The following RBBP8 variants were observed in gnomAD, a reference collection of about 807,000 sequenced individuals.
RBBP8 encodes DNA endonuclease RBBP8.
In RBBP8, 88 loss-of-function variants were observed where a neutral mutation model predicts 108.3. The observed-to-expected ratio is 0.81, with a 90% CI of 0.68 to 0.97. RBBP8 has a LOEUF of 0.97. Among genes scored for constraint, RBBP8 ranks in the 50% least tolerant of loss-of-function variants. RBBP8 has a pLI of 0.00. For synonymous variants in RBBP8, 332 were observed against 348.2 expected (o/e 0.95, Z 0.52); for missense variants, 1,023 against 1,049.0 (o/e 0.98, Z 0.34).
chr18:22,932,780 T>G (rs1054056398), upstream of RBBP8, among the ~76,000 whole-genome samples: 4 of 152,224 alleles, frequency 2.6e-5, no homozygotes, highest in Admixed American at 1.3e-4. Flanking sequence ...AAAAATTATC[T>G]AACAGCATGT....
rs772415356 is a variant in RBBP8 at position 22,997,640 on chromosome 18, A to G, written c.2049A>G (p.Leu683=). Residue 683 remains leucine (L), a synonymous_variant, in exon 14 of 19, where the codon TTA becomes TTG. Transcript: ENST00000327155. ...IDTKDGSQSK[L]GGETVDMDCT... ...TTTAGGATGGCAGTCAGTCAAAATT[A>G]GGAGGAGAGACAGTGGACATGGACT... 3.7e-6 allele frequency: 6 copies of G among 1,605,786 alleles called. No homozygotes were observed. Among genetic ancestry groups the G allele is most frequent in the African/African-American group, 1.3e-5 (1 of 74,724 alleles).
intron 3 of RBBP8, among the ~76,000 whole-genome samples, chr18:22,927,064 A>G (rs1414732236): frequency 6.6e-6 from 1 of 152,204 alleles, no homozygotes; most frequent in Admixed American, 6.5e-5. Context: ...AAATTGAATC[A>G]AGTGTTCATT....
At chr18:22,926,150 C>T (rs1909784820) in intron 3 of RBBP8, among the ~76,000 whole-genome samples, 1 of 152,170 alleles carries the variant, frequency 6.6e-6, no homozygotes, top group South Asian at 2.1e-4. Flanking sequence ...TTGCTGGCTG[C>T]GGTGGCTCAC....
chr18:22,949,964 A>T, intron 4 of RBBP8: 1 of 394,056 alleles, frequency 2.5e-6, no homozygotes, highest in Non-Finnish European at 4.6e-6. Context: ...CAAGGGTAGC[A>T]ATGTTCTAAT....
At chr18:22,996,826 G>T (rs1287160347) in intron 13 of RBBP8, among the ~76,000 whole-genome samples, 1 of 152,100 alleles carries the variant, frequency 6.6e-6, no homozygotes, top group African/African-American at 2.4e-5. Context: ...GCAAGGCCCT[G>T]TCTCTATAGG....
intron 17 of RBBP8, among the ~76,000 whole-genome samples, chr18:23,021,867 T>C (rs1218432348): frequency 2.0e-5 from 3 of 152,048 alleles, no homozygotes; most frequent in Non-Finnish European, 2.9e-5. Context: ...GGAAGCACTT[T>C]ATTGGTTTAC....
Position 22,993,203 on chromosome 18 carries a change from G to C in RBBP8, c.1376G>C (p.Ser459Thr). ...GAGGAAGAAAGTGAACATGAAGTAA[G>C]CTGCCCCCAAGCTTCTTTTGATAAA... ...KTEEESEHEVSCPQASFDKEN... is the reference protein window; with the variant it reads ...KTEEESEHEVTCPQASFDKEN... Residue 459 changes from serine to threonine, a missense_variant, in exon 11 of 19, where the codon AGC (serine) becomes ACC (threonine). By Grantham distance (58) the Ser-to-Thr change is moderately conservative. Transcript: ENST00000327155. 6.2e-7 allele frequency: 1 copy of C among 1,614,186 alleles called. No homozygotes were observed. Among genetic ancestry groups the C allele is most frequent in the Non-Finnish European group, 8.5e-7 (1 of 1,180,020 alleles).
chr18:22,925,960 T>C (rs1295901449), intron 3 of RBBP8, among the ~76,000 whole-genome samples: 1 of 152,178 alleles, frequency 6.6e-6, no homozygotes, highest in Admixed American at 6.5e-5. Flanking sequence ...AGCAGTTAAG[T>C]TCTGAGATCC....
At chr18:22,917,576 A>C (rs1046407757) in intron 3 of RBBP8, among the ~76,000 whole-genome samples, 1 of 152,246 alleles carries the variant, frequency 6.6e-6, no homozygotes, top group African/African-American at 2.4e-5. Context: ...ATACATTTCA[A>C]CAAATAGCTT....
chr18:23,018,489 G>T (rs781151917), intron 17 of RBBP8, among the ~76,000 whole-genome samples: 1 of 152,310 alleles, frequency 6.6e-6, no homozygotes, highest in Middle Eastern at 3.4e-3. Flanking sequence ...CTGGCTTCAG[G>T]ACCTACTGTG....
At chr18:22,923,691 T>C (rs1362937623) in intron 3 of RBBP8, among the ~76,000 whole-genome samples, 2 of 152,208 alleles carry the variant, frequency 1.3e-5, no homozygotes, top group Non-Finnish European at 2.9e-5. Context: ...AATATGGTTA[T>C]ATGCCAGCAC....
upstream of RBBP8, chr18:22,929,563 T>TGTGTGTGTGTGTGTG (rs57048012): frequency 6.7e-6 from 1 of 148,864 alleles, no homozygotes; most frequent in Admixed American, 6.7e-5. Flanking sequence ...TGTGTGTGTG[T>TGTGTGTGTGTGTGTG]TTAAGAGACA....
intron 4 of RBBP8, among the ~76,000 whole-genome samples, chr18:22,963,129 A>G (rs1913252443): frequency 6.6e-6 from 1 of 151,964 alleles, no homozygotes. Flanking sequence ...AGAAGCAGTC[A>G]TTTTCAATTC....
chr18:22,988,770 T>C (rs1915493164), intron 8 of RBBP8, among the ~76,000 whole-genome samples: 1 of 152,238 alleles, frequency 6.6e-6, no homozygotes, highest in Admixed American at 6.5e-5. Context: ...TATAAAATAC[T>C]AGAACATAGG....
chr18:22,944,017 G>A (rs1475172995), intron 2 of RBBP8, among the ~76,000 whole-genome samples: 3 of 152,184 alleles, frequency 2.0e-5, no homozygotes. Context: ...TAGGTTGCCA[G>A]TGTTACAATC....
chr18:22,921,202 A>AAAGG (rs993106415), intron 3 of RBBP8, among the ~76,000 whole-genome samples: 1 of 152,158 alleles, frequency 6.6e-6, no homozygotes, highest in Non-Finnish European at 1.5e-5. Context: ...GGGATTAGTG[A>AAAGG]AAGGAAGGAA....
Position 23,022,208 on chromosome 18 carries a change from C to T in RBBP8, c.2534C>T (p.Pro845Leu). Residue 845 changes from proline to leucine, a missense_variant, in exon 18 of 19, where the codon CCC (proline) becomes CTC (leucine). Pro to Leu is a moderately conservative substitution (Grantham distance 98). Coordinates refer to ENST00000327155, the MANE Select transcript of RBBP8 (RefSeq NM_002894.3). ...AGACACCGATTCCGCTACATTCCAC[C>T]CAACACACCAGAGAATTTTTGGGAA... ...CSRHRFRYIPPNTPENFWEVG... is the reference protein window; with the variant it reads ...CSRHRFRYIPLNTPENFWEVG... The T allele has an allele frequency of 6.2e-7, 1 of 1,612,394 alleles. No homozygotes were observed. The highest frequency in any genetic ancestry group is 8.5e-7 in the Non-Finnish European group (1 of 1,178,432).
At chr18:23,010,156 A>G (rs2046131167) in intron 16 of RBBP8, among the ~76,000 whole-genome samples, 1 of 152,134 alleles carries the variant, frequency 6.6e-6, no homozygotes, top group African/African-American at 2.4e-5. Context: ...TCATTATGTG[A>G]CCCTACTGTA....
Position 22,941,238 on chromosome 18 carries a change from C to A in RBBP8, c.109+4278C>A, listed in dbSNP as rs901975517. Among the ~76,000 whole-genome samples, 10 of 152,122 alleles carry A rather than the reference C, an allele frequency of 6.6e-5. No homozygotes were observed. The East Asian group carries it at 1.7e-3, about 26-fold the overall frequency. ...CCAGGCTGGAGTGCAGTGGCATGATCGCAGCTCACTGCAACCTCTGCCTCC... is the reference window on the plus strand; with the variant it reads ...CCAGGCTGGAGTGCAGTGGCATGATAGCAGCTCACTGCAACCTCTGCCTCC... On this transcript the variant is annotated intron_variant, in intron 2 of 18. Transcript: ENST00000327155.
Sources: allele counts gnomAD v4.1 joint callset (sites outside exome capture counted in the v4.1 genomes callset), GRCh38; gene constraint gnomAD v4.1.1; transcripts MANE v1.5; gene names NCBI Gene and HGNC (gene_info 2026-07-23, HGNC 2026-07-21).